Variants in CHD7 observed in about 807,000 individuals in gnomAD.
The protein encoded by CHD7 is chromodomain helicase DNA binding protein 7.
In CHD7, 24 loss-of-function variants were observed where a neutral mutation model predicts 307.3. That is an observed-to-expected ratio of 0.08 (90% confidence interval 0.06 to 0.11). CHD7 has a LOEUF of 0.11. CHD7 is among the 10% of genes least tolerant of loss of function. CHD7 has a pLI of 1.00. For missense variants in CHD7, 3,106 were observed against 3,727.1 expected, an observed-to-expected ratio of 0.83 and a Z score of 4.34; for synonymous variants, 1,363 against 1,349.9, an observed-to-expected ratio of 1.01 and a Z score of -0.21.
intron 2 of CHD7, among the ~76,000 whole-genome samples, chr8:60,772,545 T>C (rs1362428819): frequency 6.6e-6 from 1 of 152,218 alleles, no homozygotes; most frequent in Non-Finnish European, 1.5e-5. Context: ...CTTAGTAAGC[T>C]GGGTAGCTTC....
intron 18 of CHD7, 98 bp downstream of exon 18, chr8:60,837,933 T>G: frequency 7.6e-7 from 1 of 1,321,448 alleles, no homozygotes; most frequent in Non-Finnish European, 1.0e-6. Flanking sequence ...TTTTTCGACC[T>G]CAATATTTTA....
chr8:60,748,970 ATTTTTTTTTT>A (rs1216748648), intron 2 of CHD7, among the ~76,000 whole-genome samples: 22 of 137,300 alleles, frequency 1.6e-4, no homozygotes, highest in African/African-American at 5.5e-4. Flanking sequence ...CAGTGGTACA[ATTTTTTTTTT>A]TTTTTTTAAA....
chr8:60,728,515 A>G (rs144009892), intron 1 of CHD7, among the ~76,000 whole-genome samples: 1 of 152,304 alleles, frequency 6.6e-6, no homozygotes, highest in African/African-American at 2.4e-5. Context: ...AGTGAGAGAC[A>G]TAAAAGGCAA....
intron 34 of CHD7, among the ~76,000 whole-genome samples, chr8:60,860,096 A>T (rs916222540): frequency 6.6e-6 from 1 of 152,354 alleles, no homozygotes; most frequent in Middle Eastern, 3.4e-3. Flanking sequence ...TGTAGACTTC[A>T]GTTAGTGGTG....
intron 26 of CHD7, 88 bp from the exon 27 acceptor site, chr8:60,850,944 G>T: frequency 1.1e-6 from 1 of 893,984 alleles, no homozygotes. Context: ...AGTAGCACTG[G>T]GCAGATTATT....
In CHD7 at chr8:60,866,549, T is replaced by G. The variant is rs1806249716; in HGVS notation, c.*616T>G. The G allele has an allele frequency of 6.6e-6, 1 of 152,540 alleles. No homozygotes were observed. The highest frequency in any genetic ancestry group is 1.5e-5 in the Non-Finnish European group (1 of 68,034). The allele number at this position is 152,540 out of a possible 1,614,324, so 9.4% of individuals were successfully genotyped here. ...GGGTCCCTTTGGAAAATTAACCTAC[T>G]GGGAGGGTTCTTGCCAGACAGAACT... On this transcript the variant is annotated 3_prime_UTR_variant, in exon 38 of 38. Transcript: ENST00000423902.
chr8:60,822,800 T>A lies in CHD7; in HGVS notation c.3201+54T>A, dbSNP rs905898770. On this transcript the variant is annotated intron_variant, in intron 12 of 37. Coordinates refer to ENST00000423902, the MANE Select transcript of CHD7 (RefSeq NM_017780.4). ...ACTTACTCTGTGCATTTTAAGGTGT[T>A]AAAAAAAAATCAAAGTCTTGGTGAC... 5.6e-6 allele frequency: 8 copies of A among 1,417,756 alleles called. No individual in the cohort carries two copies. The East Asian group carries it at 1.7e-4, about 30-fold the overall frequency. The allele number at this position is 1,417,756 out of a possible 1,614,324, so 87.8% of individuals were successfully genotyped here.
intron 1 of CHD7, among the ~76,000 whole-genome samples, chr8:60,697,904 T>A (rs981938681): frequency 2.6e-5 from 4 of 152,372 alleles, no homozygotes; most frequent in Admixed American, 6.5e-5. Context: ...GGTGGACTCA[T>A]GAGTTAGGTG....
intron 2 of CHD7, among the ~76,000 whole-genome samples, chr8:60,746,531 T>G (rs1809339290): frequency 6.6e-6 from 1 of 152,254 alleles, no homozygotes; most frequent in Non-Finnish European, 1.5e-5. Context: ...CTATACCAGG[T>G]ATCAGGGAAG....
intron 1 of CHD7, among the ~76,000 whole-genome samples, chr8:60,692,609 T>C (rs76541600): frequency 0.052 from 7,931 of 152,240 alleles, 294 homozygotes; most frequent in Non-Finnish European, 0.083. Context: ...ACAGGATGCT[T>C]ATATGAAAGG....
intron 1 of CHD7, among the ~76,000 whole-genome samples, chr8:60,723,850 C>T (rs540750227): frequency 5.3e-5 from 8 of 152,228 alleles, no homozygotes; most frequent in South Asian, 4.1e-4. Flanking sequence ...GACTAGTCTG[C>T]GAAGACCCTG....
At chr8:60,798,494 G>A (rs560829060) in intron 4 of CHD7, among the ~76,000 whole-genome samples, 33 of 152,194 alleles carry the variant, frequency 2.2e-4, no homozygotes, top group African/African-American at 7.9e-4. Flanking sequence ...TTAAGAGCAG[G>A]GAGAACATAA....
chr8:60,743,500 GGTA>G (rs1476734056), intron 2 of CHD7, among the ~76,000 whole-genome samples: 1 of 152,170 alleles, frequency 6.6e-6, no homozygotes, highest in East Asian at 1.9e-4. Flanking sequence ...ATGCGTGTGT[GGTA>G]GTCTCCTCCA....
chr8:60,807,272 C>T (rs1488045222), intron 6 of CHD7, among the ~76,000 whole-genome samples: 2 of 152,198 alleles, frequency 1.3e-5, no homozygotes, highest in Non-Finnish European at 2.9e-5. Flanking sequence ...ACATGACCCT[C>T]AAGGCAGGCT....
At chr8:60,749,822 G>A (rs1475711665) in intron 2 of CHD7, among the ~76,000 whole-genome samples, 1 of 152,184 alleles carries the variant, frequency 6.6e-6, no homozygotes, top group African/African-American at 2.4e-5. Flanking sequence ...AGCCTTTACT[G>A]GTCTCTCTTT....
Position 60,796,953 on chromosome 8 carries a change from A to G in CHD7, c.2238+1826A>G, listed in dbSNP as rs566631660. Among the ~76,000 whole-genome samples, 16 of 152,350 alleles carry G rather than the reference A, an allele frequency of 1.1e-4. No individual in the cohort carries two copies. In the East Asian group the frequency reaches 3.1e-3, roughly 29 times the overall value. ...TGTGTCACAAGGTACTGCAACAGTG[A>G]GATCATGGAAACATTTAAATGTTCT... On this transcript the variant is annotated intron_variant, in intron 4 of 37. Transcript: ENST00000423902.
Position 60,821,855 on chromosome 8 carries a change from G to A in CHD7, c.2763G>A (p.Arg921=), listed in dbSNP as rs556897187. The A allele has an allele frequency of 2.5e-6, 4 of 1,600,544 alleles. No homozygotes were observed. Among genetic ancestry groups the A allele is most frequent in the Admixed American group, 3.5e-5 (2 of 57,730 alleles). Residue 921 remains arginine, a synonymous_variant, in exon 10 of 38, where the codon AGG becomes AGA. Transcript: ENST00000423902. Reference sequence around the variant, plus strand: ...ATGAAGACAGCACGTGGGAGCGGAGGCAGGACATAGATCAAGCAAAGATCG... The same window carrying A: ...ATGAAGACAGCACGTGGGAGCGGAGACAGGACATAGATCAAGCAAAGATCG... The part of the protein sequence containing the change: ...LPYEDSTWER[R]QDIDQAKIEE...
chr8:60,814,621 A>G (rs1160824189), intron 7 of CHD7, among the ~76,000 whole-genome samples: 1 of 152,032 alleles, frequency 6.6e-6, no homozygotes, highest in East Asian at 1.9e-4. Flanking sequence ...TGATTTTTGT[A>G]TTTTTAATAG....
rs1162346018 is a variant in CHD7 at position 60,853,101 on chromosome 8, G to T, written c.6376G>T (p.Asp2126Tyr). ...ILNDPELSFLDAHKNFAQNRG... is the reference protein window; with the variant it reads ...ILNDPELSFLYAHKNFAQNRG... ...CAATGACCCTGAGTTATCCTTCTTG[G>T]ATGCACATAAAAACTTTGCTCAAAA... The change falls in exon 31 of 38, where the codon GAT becomes TAT. Residue 2126 changes from aspartate to tyrosine, a missense_variant. Around this residue, in one of 10 missense-constraint regions of CHD7, gnomAD observed 1,030 missense variants for 1,165.4 expected, o/e 0.88. Transcript: ENST00000423902. 4 of 1,613,894 alleles carry T rather than the reference G, an allele frequency of 2.5e-6. No individual in the cohort carries two copies. Among genetic ancestry groups the T allele is most frequent in the Non-Finnish European group, 3.4e-6 (4 of 1,179,872 alleles).
Sources: gnomAD v4.1 joint callset for allele counts (sites outside exome capture counted in the v4.1 genomes callset) on GRCh38, gnomAD v4.1.1 for gene constraint, gnomAD v4.1.1 regional missense constraint, MANE v1.5 for transcripts, NCBI Gene and HGNC (gene_info 2026-07-23, HGNC 2026-07-21) for gene names.